The following MAGI2 variants were observed in gnomAD, a reference collection of about 807,000 sequenced individuals.
MAGI2 encodes the protein membrane-associated guanylate kinase, WW and PDZ domain-containing protein 2.
In MAGI2, 35 loss-of-function variants were observed where a neutral mutation model predicts 133.3. That is an observed-to-expected ratio of 0.26 (90% CI 0.20 to 0.35). The LOEUF (loss-of-function observed/expected upper bound fraction) is 0.35. Among genes scored for constraint, MAGI2 ranks in the 10% least tolerant of loss-of-function variants. The pLI, the probability that MAGI2 is intolerant of heterozygous loss-of-function variation, is 1.00. For synonymous variants in MAGI2, 729 were observed against 710.6 expected, an observed-to-expected ratio of 1.03 and a Z score of -0.41; for missense variants, 1,636 against 1,863.4, an observed-to-expected ratio of 0.88 and a Z score of 2.25.
intron 1 of MAGI2, among the ~76,000 whole-genome samples, chr7:79,438,733 C>T (rs1055020337): frequency 1.3e-5 from 2 of 152,044 alleles, no homozygotes; most frequent in African/African-American, 4.8e-5. Flanking sequence ...TCAAGCTCAC[C>T]TCCTCCCTCC....
At chr7:79,357,234 A>G (rs745714455) in intron 1 of MAGI2, among the ~76,000 whole-genome samples, 28 of 152,138 alleles carry the variant, frequency 1.8e-4, no homozygotes, top group Non-Finnish European at 3.7e-4. Context: ...AATCGCCAAC[A>G]CTGTACCTCA....
rs143957228 is a variant in MAGI2, at chr7:79,010,112, T to C, written c.302-2906A>G. ...TTTTGTGTATGTATATATACACATA[T>C]ATACACATATATAGATGTGTATAAT... is the stretch of plus-strand genomic sequence containing the variant. On this transcript the variant is annotated intron_variant, in intron 1 of 21. Coordinates refer to ENST00000354212, the MANE Select transcript of MAGI2 (RefSeq NM_012301.4). Among the ~76,000 whole-genome samples, 217 of 152,184 alleles carry C rather than the reference T, an allele frequency of 1.4e-3. 1 individual carries two copies. The highest frequency in any genetic ancestry group is 4.8e-3 in the African/African-American group (201 of 41,554).
At chr7:78,805,689 C>T (rs13233006) in intron 2 of MAGI2, among the ~76,000 whole-genome samples, 6,524 of 152,226 alleles carry the variant, frequency 0.043, 216 homozygotes, top group Middle Eastern at 0.075. Context: ...TTTCACCTTG[C>T]TTTCTCTCAG....
At chr7:79,011,920 C>CTTTCTTT (rs1562785320) in intron 1 of MAGI2, among the ~76,000 whole-genome samples, 18 of 123,446 alleles carry the variant, frequency 1.5e-4, no homozygotes, top group East Asian at 9.2e-4. Flanking sequence ...TTCCTTCCTT[C>CTTTCTTT]CTTCCTTTCT....
intron 1 of MAGI2, chr7:79,030,387 TG>T (rs1424399387): frequency 6.6e-6 from 1 of 152,164 alleles, no homozygotes; most frequent in African/African-American, 2.4e-5. Flanking sequence ...GGAGAGCGAT[TG>T]AGAAAATGAT....
chr7:78,928,820 GA>G (rs59051864), intron 2 of MAGI2, among the ~76,000 whole-genome samples: 2,458 of 152,068 alleles, frequency 0.016, 76 homozygotes, highest in African/African-American at 0.056. Context: ...CAAAGAGAAA[GA>G]AAATTTGAAA....
At chr7:78,976,179 AC>A (rs1804232322) in intron 2 of MAGI2, among the ~76,000 whole-genome samples, 1 of 151,662 alleles carries the variant, frequency 6.6e-6, no homozygotes, top group South Asian at 2.1e-4. Flanking sequence ...AATATCATCA[AC>A]AAAATATTAT....
chr7:78,766,499 G>T (rs939135703), intron 2 of MAGI2, among the ~76,000 whole-genome samples: 1 of 152,146 alleles, frequency 6.6e-6, no homozygotes, highest in African/African-American at 2.4e-5. Context: ...GCTTCAACTG[G>T]AGTCATCAGT....
intron 9 of MAGI2, among the ~76,000 whole-genome samples, chr7:78,327,348 T>C: frequency 6.6e-6 from 1 of 152,360 alleles, no homozygotes; most frequent in Admixed American, 6.5e-5. Context: ...TCTTTCCTGT[T>C]ATGACTGGCA....
chr7:78,556,010 T>A (rs931985445), intron 3 of MAGI2, among the ~76,000 whole-genome samples: 1 of 152,170 alleles, frequency 6.6e-6, no homozygotes, highest in Non-Finnish European at 1.5e-5. Flanking sequence ...GAAAATCTAG[T>A]AACTATTAAA....
chr7:78,234,765 A>C (rs939476243), intron 10 of MAGI2, among the ~76,000 whole-genome samples: 4 of 152,126 alleles, frequency 2.6e-5, no homozygotes, highest in Non-Finnish European at 4.4e-5. Flanking sequence ...AGGCACTGTG[A>C]TTCAACAGGC....
chr7:79,028,235 G>GTATATATATATATATATATA (rs1174096501), intron 1 of MAGI2, among the ~76,000 whole-genome samples: 1 of 29,330 alleles, frequency 3.4e-5, no homozygotes, highest in Admixed American at 4.2e-4. Context: ...ATATATGTAT[G>GTATATATATATATATATATA]TATATATATA....
chr7:79,121,111 C>A (rs559954218), intron 1 of MAGI2, among the ~76,000 whole-genome samples: 3 of 152,148 alleles, frequency 2.0e-5, no homozygotes, highest in African/African-American at 7.2e-5. Context: ...AAGCAAAAAA[C>A]ACAGGCTAAT....
rs185811181 is a variant in MAGI2, at chr7:78,497,779, A to G, written c.965+3798T>C. Among the ~76,000 whole-genome samples the G allele has an allele frequency of 4.0e-4, 36 of 89,372 alleles. 1 individual carries two copies. In the East Asian group the frequency reaches 9.8e-3, roughly 24 times the overall value. 58.6% of individuals were successfully genotyped at this position (89,372 alleles called of 152,430 possible). A position where few individuals can be genotyped will look rare whatever the true frequency, so the allele number is the denominator to read the frequency against. On this transcript the variant is annotated intron_variant, in intron 5 of 21. Coordinates refer to ENST00000354212, the MANE Select transcript of MAGI2 (RefSeq NM_012301.4). ...ATCTATCTATCTTTCTATCTTATAC[A>G]CAGAACCAAAGAATCATTCTCCTTT...
At chr7:78,885,215 A>G (rs945707158) in intron 2 of MAGI2, among the ~76,000 whole-genome samples, 1 of 152,108 alleles carries the variant, frequency 6.6e-6, no homozygotes, top group Non-Finnish European at 1.5e-5. Flanking sequence ...TATGCTCACT[A>G]CCTGGGGGTT....
At chr7:78,882,086 C>CAAA (rs771918590) in intron 2 of MAGI2, among the ~76,000 whole-genome samples, 2,873 of 12,394 alleles carry the variant, frequency 0.23, 720 homozygotes, top group East Asian at 0.32. Context: ...ACAACAACAA[C>CAAA]AAAAAAAAAA....
intron 1 of MAGI2, among the ~76,000 whole-genome samples, chr7:79,274,283 C>G (rs931824133): frequency 2.0e-5 from 3 of 152,118 alleles, no homozygotes; most frequent in Non-Finnish European, 4.4e-5. Context: ...ACCTTTGAAT[C>G]TGTACTACCT....
At chr7:78,826,561 A>G (rs1366766907) in intron 2 of MAGI2, among the ~76,000 whole-genome samples, 1 of 152,128 alleles carries the variant, frequency 6.6e-6, no homozygotes, top group Non-Finnish European at 1.5e-5. Context: ...TGAAACTATT[A>G]CGCGTGATGG....
intron 3 of MAGI2, among the ~76,000 whole-genome samples, chr7:78,556,013 C>A (rs1799790392): frequency 6.6e-6 from 1 of 152,068 alleles, no homozygotes; most frequent in Non-Finnish European, 1.5e-5. Flanking sequence ...AATCTAGTAA[C>A]TATTAAAGGC....
Sources: gnomAD v4.1 joint callset for allele counts (sites outside exome capture counted in the v4.1 genomes callset) on GRCh38, gnomAD v4.1.1 for gene constraint, MANE v1.5 for transcripts, NCBI Gene and HGNC (gene_info 2026-07-23, HGNC 2026-07-21) for gene names.